The following ZNF18 variants were observed in gnomAD, a reference collection of about 807,000 sequenced individuals.
ZNF18 encodes the protein zinc finger protein 18, also known as heart development-specific gene 1 protein.
In ZNF18, 42 loss-of-function variants were observed where a neutral mutation model predicts 58.1. The ratio of observed to expected loss-of-function variants is 0.72; its 90% CI spans 0.56 to 0.93. The LOEUF (loss-of-function observed/expected upper bound fraction) is 0.93, where lower values mean the gene tolerates loss of function less well. ZNF18 is among the 40% of genes least tolerant of loss of function. The pLI is 0.00. For missense variants in ZNF18, 540 were observed against 644.2 expected, an observed-to-expected ratio of 0.84 and a Z score of 1.75; for synonymous variants, 231 against 239.8, an observed-to-expected ratio of 0.96 and a Z score of 0.34.
In ZNF18 at chr17:11,992,739, G is replaced by C. The variant is rs1179341537; in HGVS notation, c.91C>G (p.Gln31Glu). 8 of 1,614,158 alleles carry C rather than the reference G, an allele frequency of 5.0e-6. No individual in the cohort carries two copies. Among genetic ancestry groups the C allele is most frequent in the Non-Finnish European group, 8.5e-7 (1 of 1,180,056 alleles). Residue 31 changes from glutamine to glutamate, a missense_variant, in exon 2 of 7, where the codon CAA (glutamine) becomes GAA (glutamate). By Grantham distance (29) the Gln-to-Glu change is conservative (BLOSUM62 2). Transcript: ENST00000580306. ...GTCTCAGGGCTGGAGAGTTCCTCTTGAAGGGCAGCATCTGATTCTGAGAAC... is the reference window on the plus strand; with the variant it reads ...GTCTCAGGGCTGGAGAGTTCCTCTTCAAGGGCAGCATCTGATTCTGAGAAC... The part of the protein sequence containing the change: ...SQFSESDAAL[Q>E]EELSSPETAR...
At chr17:12,017,182 G>C in the ZNF18 span, among the ~76,000 whole-genome samples, 1 of 151,690 alleles carries the variant, frequency 6.6e-6, no homozygotes, top group Non-Finnish European at 1.5e-5. Flanking sequence ...GGGCAACAGA[G>C]CAAGACTCTG....
chr17:12,015,907 C>CTGAGT, the ZNF18 span, among the ~76,000 whole-genome samples: 1 of 152,048 alleles, frequency 6.6e-6, no homozygotes, highest in African/African-American at 2.4e-5. Flanking sequence ...TCTTGGTACT[C>CTGAGT]AGCCTTCTGA....
chr17:11,992,817 A>C lies in ZNF18; in HGVS notation c.13T>G (p.Leu5Val). ...GGCAGCAGGCCTAGGGCCTGCCCCA[A>C]GTCAACGGGCATTGTCCAGCCTGGC... MPVD[L>V]GQALGLLPSL... The change falls in exon 2 of 7, where the codon TTG becomes GTG. Residue 5 changes from leucine (L) to valine (V), a missense_variant. Coordinates refer to ENST00000580306, the MANE Select transcript of ZNF18 (RefSeq NM_001303281.2). 2 of 1,612,056 alleles carry C rather than the reference A, an allele frequency of 1.2e-6. No individual in the cohort carries two copies. The highest frequency in any genetic ancestry group is 1.7e-6 in the Non-Finnish European group (2 of 1,179,348).
At chr17:12,017,638 G>C in the ZNF18 span, among the ~76,000 whole-genome samples, 1 of 152,162 alleles carries the variant, frequency 6.6e-6, no homozygotes, top group Admixed American at 6.5e-5. Flanking sequence ...AGCATTTTGG[G>C]AGGCTGAGGC....
At chr17:11,982,035 A>C (rs1597951441) in intron 6 of ZNF18, among the ~76,000 whole-genome samples, 2 of 148,308 alleles carry the variant, frequency 1.3e-5, no homozygotes. Flanking sequence ...TCCCTCTCTC[A>C]CCTCCCCCTC....
chr17:12,019,294 A>ATG, the ZNF18 span, among the ~76,000 whole-genome samples: 10,171 of 145,300 alleles, frequency 0.07, 371 homozygotes, highest in Non-Finnish European at 0.094. Flanking sequence ...ATAATATTGG[A>ATG]TGTGTGTGTG....
chr17:11,994,857 G>T (rs1968363572), intron 1 of ZNF18, among the ~76,000 whole-genome samples: 1 of 151,976 alleles, frequency 6.6e-6, no homozygotes, highest in African/African-American at 2.4e-5. Context: ...AAAAGAAAAA[G>T]AAAATTATAA....
At chr17:12,001,425 C>T (rs1387782245), upstream of ZNF18, among the ~76,000 whole-genome samples, 2 of 152,074 alleles carry the variant, frequency 1.3e-5, no homozygotes, top group African/African-American at 2.4e-5. Flanking sequence ...GTCAGGAGAT[C>T]AAGACCATCC....
chr17:12,010,562 C>T, the ZNF18 span, among the ~76,000 whole-genome samples: 938 of 152,100 alleles, frequency 6.2e-3, 13 homozygotes, highest in African/African-American at 0.022. Context: ...ACTACAGGCG[C>T]CCGTCACCAC....
rs193205744 is a variant in ZNF18 at position 11,994,997 on chromosome 17, T to C, written c.-82-2086A>G. ...GGAGAAGGAGAAGGAAGGGTTGGTC[T>C]TGCAGTCGCAGGAGTCACAGAGGCA... On this transcript the variant is annotated intron_variant, in intron 1 of 6. Coordinates refer to ENST00000580306, the MANE Select transcript of ZNF18 (RefSeq NM_001303281.2). Among the ~76,000 whole-genome samples, 863 of 152,334 alleles carry C rather than the reference T, an allele frequency of 5.7e-3. 4 individuals are homozygous for C. Among genetic ancestry groups the C allele is most frequent in the Middle Eastern group, 0.014 (4 of 294 alleles).
At chr17:12,004,887 C>CAAA in the ZNF18 span, among the ~76,000 whole-genome samples, 1 of 56,188 alleles carries the variant, frequency 1.8e-5, no homozygotes, top group Non-Finnish European at 3.9e-5. Context: ...AACTCCATCT[C>CAAA]AAAAAAAAAA....
At chr17:12,016,853 G>T in the ZNF18 span, among the ~76,000 whole-genome samples, 1 of 152,082 alleles carries the variant, frequency 6.6e-6, no homozygotes, top group Non-Finnish European at 1.5e-5. Context: ...ATGTTGTCAT[G>T]AACATTTTCT....
chr17:12,020,852 C>T, the ZNF18 span: 2 of 998,810 alleles, frequency 2.0e-6, no homozygotes, highest in Non-Finnish European at 2.6e-6. Flanking sequence ...TGCATTGCAG[C>T]CGCCGCGGCG....
chr17:11,989,346 G>C (rs1967954199), intron 4 of ZNF18, among the ~76,000 whole-genome samples: 1 of 151,998 alleles, frequency 6.6e-6, no homozygotes, highest in African/African-American at 2.4e-5. Context: ...AAAAGACAAA[G>C]ATTACCAGGC....
Position 11,978,410 on chromosome 17 carries a change from T to C in ZNF18, c.1197A>G (p.Pro399=). The change falls in exon 7 of 7, where the codon CCA becomes CCG. Residue 399 remains proline, a synonymous_variant. Transcript: ENST00000580306. The part of the protein sequence containing the change: ...EKRETSQKGQ[P]RAPMAQKLPT... ...GGAGCTTCTGGGCCATGGGGGCTCTTGGCTGCCCCTTCTGGGAGGTCTCTC... is the reference window on the plus strand; with the variant it reads ...GGAGCTTCTGGGCCATGGGGGCTCTCGGCTGCCCCTTCTGGGAGGTCTCTC... 6.5e-7 allele frequency: 1 copy of C among 1,547,048 alleles called. No homozygotes were observed. The highest frequency in any genetic ancestry group is 8.7e-7 in the Non-Finnish European group (1 of 1,151,020).
chr17:12,019,545 C>A, the ZNF18 span, among the ~76,000 whole-genome samples: 1 of 152,040 alleles, frequency 6.6e-6, no homozygotes, highest in Admixed American at 6.6e-5. Context: ...TATTGGGCAG[C>A]CAACGAGGCC....
At chr17:12,013,495 T>C in the ZNF18 span, among the ~76,000 whole-genome samples, 1 of 152,228 alleles carries the variant, frequency 6.6e-6, no homozygotes, top group Non-Finnish European at 1.5e-5. Context: ...CATCTAGATT[T>C]AAAGTTTGAG....
intron 2 of ZNF18, 34 bp from the exon 3 acceptor site, chr17:11,991,197 G>A (rs774446989): frequency 1.9e-6 from 3 of 1,563,226 alleles, no homozygotes; most frequent in Non-Finnish European, 1.8e-6. Context: ...AATTACTGAA[G>A]AATCCAGAGT....
chr17:11,990,695 C>T, intron 3 of ZNF18, 145 bp from the exon 4 acceptor site: 1 of 721,146 alleles, frequency 1.4e-6, no homozygotes, highest in East Asian at 2.7e-5. Flanking sequence ...GTGTTTATCT[C>T]CCTGACACAC....
Sources: allele counts gnomAD v4.1 joint callset (sites outside exome capture counted in the v4.1 genomes callset), GRCh38; gene constraint gnomAD v4.1.1; transcripts MANE v1.5; gene names NCBI Gene and HGNC (gene_info 2026-07-23, HGNC 2026-07-21).